Variants in MMD2 observed in about 807,000 individuals in gnomAD.
The protein encoded by MMD2 is monocyte to macrophage differentiation associated 2, also known as monocyte to macrophage differentiation factor 2.
A neutral mutation model predicts 33.5 loss-of-function variants in MMD2; 30 were observed. That is an observed-to-expected ratio of 0.90 (90% CI 0.67 to 1.22). The LOEUF is 1.22. Among genes scored for constraint, MMD2 ranks in the 50% most tolerant of loss-of-function variants. MMD2 has a pLI of 0.00. For missense variants in MMD2, 364 were observed against 325.4 expected (o/e 1.12, Z -0.91); for synonymous variants, 129 against 123.0 (o/e 1.05, Z -0.32).
intron 2 of MMD2, among the ~76,000 whole-genome samples, chr7:4,924,806 G>C (rs756282431): frequency 1.3e-5 from 2 of 152,214 alleles, no homozygotes; most frequent in Non-Finnish European, 2.9e-5. Context: ...GAAACAGTGA[G>C]GGATTCAAGT....
chr7:4,933,533 T>G (rs1270801701), intron 1 of MMD2, among the ~76,000 whole-genome samples: 1 of 151,870 alleles, frequency 6.6e-6, no homozygotes, highest in African/African-American at 2.4e-5. Context: ...CATCTGAGAT[T>G]CCTCCTCCCT....
At position 4,958,980 on chromosome 7, in the gene MMD2, T is replaced by G; in HGVS notation, c.38A>C (p.Lys13Thr). 7.8e-7 allele frequency: 1 copy of G among 1,287,448 alleles called. No homozygotes were observed. The highest frequency in any genetic ancestry group is 9.9e-7 in the Non-Finnish European group (1 of 1,010,902). 79.8% of individuals were successfully genotyped at this position (1,287,448 alleles called of 1,614,324 possible). A position where few individuals can be genotyped will look rare whatever the true frequency, so the allele number is the denominator to read the frequency against. Reference sequence around the variant, plus strand: ...CGCGGCCGCCGCTCACCTCGCGTATTTCGTCTTCTGGAAATCCAGCAGCCG... The same window carrying G: ...CGCGGCCGCCGCTCACCTCGCGTATGTCGTCTTCTGGAAATCCAGCAGCCG... ...APRLLDFQKTKYARFMNHRVP... is the reference protein window; with the variant it reads ...APRLLDFQKTTYARFMNHRVP... Residue 13 changes from lysine to threonine, a missense_variant, in exon 1 of 7, where the codon AAA becomes ACA. Coordinates refer to ENST00000401401, the MANE Select transcript of MMD2 (RefSeq NM_198403.4).
intron 1 of MMD2, among the ~76,000 whole-genome samples, chr7:4,930,144 C>G (rs1208317988): frequency 6.6e-6 from 1 of 151,602 alleles, no homozygotes; most frequent in Non-Finnish European, 1.5e-5. Flanking sequence ...GTGGCGGGCA[C>G]CTGTAGTCCC....
At chr7:4,905,082 G>T (rs371925660), downstream of MMD2, among the ~76,000 whole-genome samples, 3 of 152,312 alleles carry the variant, frequency 2.0e-5, no homozygotes, top group East Asian at 3.9e-4. The surrounding 1 kb of genome is among the most constrained non-coding windows in gnomAD (Gnocchi z 5.0). Flanking sequence ...GAAGGAGCAG[G>T]CTGTCCTGGG....
intron 2 of MMD2, among the ~76,000 whole-genome samples, chr7:4,920,727 T>A (rs1315566918): frequency 1.7e-5 from 2 of 119,328 alleles, no homozygotes; most frequent in Non-Finnish European, 3.4e-5. Flanking sequence ...CCTTCCTCCC[T>A]TTCTCTCTTC....
chr7:4,906,696 G>C lies in MMD2; in HGVS notation c.*700C>G, dbSNP rs970072426. The C allele has an allele frequency of 2.5e-6, 1 of 396,544 alleles. No individual in the cohort carries two copies. Among genetic ancestry groups the C allele is most frequent in the Admixed American group, 4.4e-5 (1 of 22,666 alleles). The allele number at this position is 396,544 out of a possible 1,614,324, so 24.6% of individuals were successfully genotyped here. A position where few individuals can be genotyped will look rare whatever the true frequency, so the allele number is the denominator to read the frequency against. On this transcript the variant is annotated 3_prime_UTR_variant, in exon 7 of 7. Transcript: ENST00000401401. ...TACTCCAGGAGTTTCCCAAAAGGGA[G>C]GGGGAGATGAGGAGATAGGCATGCA... is the stretch of plus-strand genomic sequence containing the variant.
At chr7:4,895,255 T>C in the MMD2 span, among the ~76,000 whole-genome samples, 24 of 152,156 alleles carry the variant, frequency 1.6e-4, no homozygotes, top group Non-Finnish European at 2.2e-4. Flanking sequence ...TTTTGTATTT[T>C]TAGTAAAGAC....
chr7:4,952,259 A>C (rs2115162493), intron 1 of MMD2, among the ~76,000 whole-genome samples: 1 of 152,336 alleles, frequency 6.6e-6, no homozygotes, highest in African/African-American at 2.4e-5. Flanking sequence ...TTCCTGAAGG[A>C]TCCTAAAAGG....
At chr7:4,956,160 T>C (rs1786376874) in intron 1 of MMD2, among the ~76,000 whole-genome samples, 1 of 152,152 alleles carries the variant, frequency 6.6e-6, no homozygotes, top group Non-Finnish European at 1.5e-5. Context: ...CAGTGGCTCA[T>C]GCCTGTAATC....
chr7:4,927,361 A>G (rs568026260), intron 1 of MMD2, among the ~76,000 whole-genome samples: 22 of 152,040 alleles, frequency 1.4e-4, no homozygotes, highest in Non-Finnish European at 2.6e-4. Flanking sequence ...CCTGGTCAAC[A>G]TGGTGAAACC....
chr7:4,931,190 T>A (rs1010528351), intron 1 of MMD2, among the ~76,000 whole-genome samples: 2 of 151,888 alleles, frequency 1.3e-5, no homozygotes, highest in Non-Finnish European at 2.9e-5. Flanking sequence ...TGAGAAAGGG[T>A]CTTGCTCTGT....
chr7:4,935,866 C>CTG (rs1785726936), intron 1 of MMD2, among the ~76,000 whole-genome samples: 1 of 151,836 alleles, frequency 6.6e-6, no homozygotes, highest in African/African-American at 2.4e-5. Flanking sequence ...TTGCAACTAC[C>CTG]TGTGCATTTA....
intron 6 of MMD2, chr7:4,909,651 G>A (rs2115086803): frequency 1.4e-6 from 1 of 712,434 alleles, no homozygotes; most frequent in African/African-American, 1.7e-5. Flanking sequence ...GCCCAGGCTG[G>A]TCTCAAATCC....
intron 1 of MMD2, among the ~76,000 whole-genome samples, chr7:4,944,210 G>A (rs1785987379): frequency 6.6e-6 from 1 of 151,868 alleles, no homozygotes; most frequent in Non-Finnish European, 1.5e-5. Flanking sequence ...AGGAGTTCGA[G>A]GCTGCAGTGA....
At position 4,924,019 on chromosome 7, in the gene MMD2, C is replaced by T. The variant is rs77706016; in HGVS notation, c.129+1432G>A. ...CATTCTGGCTAACACGGTGAAACCC[C>T]GTCTCTACTAAAAATACAAAAAATT... On this transcript the variant is annotated intron_variant, in intron 2 of 6. Transcript: ENST00000401401. 2.8e-4 allele frequency among the ~76,000 whole-genome samples: 42 copies of T among 152,100 alleles called. No individual in the cohort carries two copies. The South Asian group carries it at 5.0e-3, about 18-fold the overall frequency.
chr7:4,926,773 C>T (rs1785439578), intron 1 of MMD2, among the ~76,000 whole-genome samples: 1 of 151,566 alleles, frequency 6.6e-6, no homozygotes. Flanking sequence ...GAGACGGAGT[C>T]GTGCTCTGTC....
chr7:4,920,886 T>G (rs1006301680), intron 2 of MMD2, among the ~76,000 whole-genome samples: 8 of 151,596 alleles, frequency 5.3e-5, no homozygotes, highest in African/African-American at 1.9e-4. Flanking sequence ...ACTGGCCAAT[T>G]TTTATATTTT....
In MMD2 at chr7:4,906,811, T is replaced by C; in HGVS notation, c.*585A>G. ...AAGGGCAAAGAGGTCCCATCATGAG[T>C]GCCAAATTGATTGGTACTGGCTGCC... is the stretch of plus-strand genomic sequence containing the variant. On this transcript the variant is annotated 3_prime_UTR_variant, in exon 7 of 7. Coordinates refer to ENST00000401401, the MANE Select transcript of MMD2 (RefSeq NM_198403.4). 2.9e-6 allele frequency: 1 copy of C among 346,534 alleles called. No individual in the cohort carries two copies. The highest frequency in any genetic ancestry group is 5.2e-6 in the Non-Finnish European group (1 of 192,332). 21.5% of individuals were successfully genotyped at this position (346,534 alleles called of 1,614,324 possible).
At chr7:4,944,347 G>A (rs1785991648) in intron 1 of MMD2, among the ~76,000 whole-genome samples, 1 of 152,050 alleles carries the variant, frequency 6.6e-6, no homozygotes, top group African/African-American at 2.4e-5. Flanking sequence ...CTTTAGCCCT[G>A]GGCTCACTTG....
Sources: gnomAD v4.1 joint callset for allele counts (sites outside exome capture counted in the v4.1 genomes callset) on GRCh38, gnomAD v4.1.1 for gene constraint, Gnocchi (gnomAD v3.1) non-coding constraint, MANE v1.5 for transcripts, NCBI Gene and HGNC (gene_info 2026-07-23, HGNC 2026-07-21) for gene names.